FCGRT: variants seen among roughly 807,000 people sequenced by gnomAD.
The protein encoded by FCGRT is Fc gamma receptor and transporter.
A neutral mutation model predicts 35.7 loss-of-function variants in FCGRT; 13 were observed. The ratio of observed to expected loss-of-function variants is 0.36; its 90% CI spans 0.24 to 0.58. The LOEUF (loss-of-function observed/expected upper bound fraction) is 0.58, where lower values mean the gene tolerates loss of function less well. Among genes scored for constraint, FCGRT ranks in the 20% least tolerant of loss-of-function variants. The pLI is 0.77. For synonymous variants in FCGRT, 233 were observed against 216.5 expected, an observed-to-expected ratio of 1.08 and a Z score of -0.67; for missense variants, 455 against 474.9, an observed-to-expected ratio of 0.96 and a Z score of 0.39.
chr19:49,522,847 G>A (rs1184788756), intron 4 of FCGRT, among the ~76,000 whole-genome samples: 115 of 138,572 alleles, frequency 8.3e-4, no homozygotes, highest in African/African-American at 2.7e-3. Flanking sequence ...GCGCAATCTC[G>A]GCTCACTGCA....
At chr19:49,517,430 G>T (rs1346976814) in intron 4 of FCGRT, among the ~76,000 whole-genome samples, 1 of 151,816 alleles carries the variant, frequency 6.6e-6, no homozygotes, top group Non-Finnish European at 1.5e-5. Flanking sequence ...AGCAGAGGTT[G>T]CAGTGAGCCG....
rs576878676 is a variant in FCGRT at position 49,525,783 on chromosome 19, CAG to C, written c.988+217_988+218del. On this transcript the variant is annotated intron_variant, in intron 6 of 6. Transcript: ENST00000221466. ...CGGGGGAACAGAGACCCAGAGGGGACAGAGAGAGGTGCGGACAGAGGGAGGGG... is the reference window on the plus strand; with the variant it reads ...CGGGGGAACAGAGACCCAGAGGGGACAGAGAGGTGCGGACAGAGGGAGGGG... Among the ~76,000 whole-genome samples the C allele has an allele frequency of 5.5e-3, 812 of 146,746 alleles. 4 individuals carry two copies. Among genetic ancestry groups the C allele is most frequent in the Non-Finnish European group, 9.7e-3 (649 of 67,072 alleles).
intron 4 of FCGRT, chr19:49,516,176 AAGG>A: frequency 2.2e-6 from 1 of 454,252 alleles, no homozygotes; most frequent in South Asian, 1.6e-5. Flanking sequence ...AAGTGCCACA[AAGG>A]AGAAGTTGAG....
At chr19:49,522,770 CTTTTTTTTT>C (rs746958247) in intron 4 of FCGRT, among the ~76,000 whole-genome samples, 1 of 66,664 alleles carries the variant, frequency 1.5e-5, no homozygotes, top group Non-Finnish European at 2.7e-5. Flanking sequence ...CTTAAGCTCT[CTTTTTTTTT>C]TTTTTTTTTT....
At position 49,522,072 on chromosome 19, in the gene FCGRT, A is replaced by AT. The variant is rs755024984; in HGVS notation, c.602-2418dup. 4.5e-3 allele frequency among the ~76,000 whole-genome samples: 642 copies of AT among 142,716 alleles called. 6 individuals carry two copies. The highest frequency in any genetic ancestry group is 0.011 in the African/African-American group (426 of 38,896). 93.6% of individuals were successfully genotyped at this position (142,716 alleles called of 152,430 possible). A position where few individuals can be genotyped will look rare whatever the true frequency, so the allele number is the denominator to read the frequency against. On this transcript the variant is annotated intron_variant, in intron 4 of 6. Coordinates refer to ENST00000221466, the MANE Select transcript of FCGRT (RefSeq NM_001136019.3). ...TTTATACATTTTATAAAGTTTATGA[A>AT]TTTTTTTTTTTTTTTTTAGACGGAG... is the stretch of plus-strand genomic sequence containing the variant.
chr19:49,524,157 T>A (rs545652486), intron 4 of FCGRT, among the ~76,000 whole-genome samples: 3 of 152,052 alleles, frequency 2.0e-5, no homozygotes, highest in Admixed American at 1.3e-4. Flanking sequence ...TAGCTGGGAC[T>A]ACAGGTGCCC....
chr19:49,515,644 C>T (rs998940074), intron 4 of FCGRT, among the ~76,000 whole-genome samples: 5 of 152,170 alleles, frequency 3.3e-5, no homozygotes, highest in Admixed American at 3.3e-4. Flanking sequence ...CCAGGCCAGA[C>T]TCAAACTCCT....
In FCGRT at chr19:49,514,506, G is replaced by T; in HGVS notation, c.601+20G>T. The T allele has an allele frequency of 2.0e-6, 3 of 1,529,822 alleles. No individual in the cohort carries two copies. Among genetic ancestry groups the T allele is most frequent in the Non-Finnish European group, 2.6e-6 (3 of 1,136,968 alleles). 94.8% of individuals were successfully genotyped at this position (1,529,822 alleles called of 1,614,324 possible). On this transcript the variant is annotated intron_variant, in intron 4 of 6. Coordinates refer to ENST00000221466, the MANE Select transcript of FCGRT (RefSeq NM_001136019.3). ...GGAAGGGTGAGCCGGATCTGCAGCC[G>T]CAGGCTGTTCTGTCCTCTCTCCCGT... is the stretch of plus-strand genomic sequence containing the variant.
At chr19:49,517,573 C>G (rs1005483821) in intron 4 of FCGRT, among the ~76,000 whole-genome samples, 1 of 151,978 alleles carries the variant, frequency 6.6e-6, no homozygotes, top group Non-Finnish European at 1.5e-5. Context: ...AGCGAGCATC[C>G]CATCACTGAG....
intron 2 of FCGRT, 136 bp downstream of exon 2, chr19:49,513,609 T>G (rs2079986877): frequency 4.1e-6 from 2 of 489,750 alleles, no homozygotes; most frequent in Non-Finnish European, 6.6e-6. Flanking sequence ...ATTAACTTTC[T>G]CAACGTCTCC....
At chr19:49,525,410 T>C in intron 5 of FCGRT, 47 bp from the exon 6 acceptor site, 1 of 1,385,938 alleles carries the variant, frequency 7.2e-7, no homozygotes, top group Non-Finnish European at 1.0e-6. Flanking sequence ...CCTGACTGGG[T>C]GGGGTGGAGG....
At position 49,525,474 on chromosome 19, in the gene FCGRT, T is replaced by A. The variant is rs111846329; in HGVS notation, c.889T>A (p.Ser297Thr). 7,477 of 1,613,688 alleles carry A rather than the reference T, an allele frequency of 4.6e-3. 335 individuals carry two copies. The Admixed American group carries it at 0.074, about 16-fold the overall frequency. Residue 297 changes from serine (S) to threonine (T), a missense_variant, in exon 6 of 7, where the codon TCC (serine) becomes ACC (threonine). This residue lies in a region of FCGRT where 312 missense variants were observed against 296.1 expected (regional missense o/e 1.05). Coordinates refer to ENST00000221466, the MANE Select transcript of FCGRT (RefSeq NM_001136019.3). ...GGCTGCAGAATCTCCAGCCAAGTCC[T>A]CCGTGCTCGTGGTGGGAATCGTCAT... The part of the protein sequence containing the change: ...RVELESPAKS[S>T]VLVVGIVIGV...
chr19:49,514,107 A>G lies in FCGRT; in HGVS notation c.299A>G (p.Glu100Gly), dbSNP rs1053115692. 3 of 1,612,256 alleles carry G rather than the reference A, an allele frequency of 1.9e-6. No individual in the cohort carries two copies. The highest frequency in any genetic ancestry group is 1.7e-5 in the Admixed American group (1 of 59,952). ...DLRIKEKLFL[E>G]AFKALGGKGP... is the part of the protein sequence containing the mutation. ...AGGATCAAGGAGAAGCTCTTTCTGG[A>G]AGCTTTCAAAGCTTTGGGGGGAAAA... The change falls in exon 3 of 7, where the codon GAA becomes GGA. Residue 100 changes from glutamate to glycine, a missense_variant. Transcript: ENST00000221466.
chr19:49,521,970 T>G (rs759596406), intron 4 of FCGRT, among the ~76,000 whole-genome samples: 2 of 152,036 alleles, frequency 1.3e-5, no homozygotes, highest in African/African-American at 2.4e-5. Flanking sequence ...GCACCCAACC[T>G]TTTTTCATTC....
At chr19:49,521,251 G>A (rs909601449) in intron 4 of FCGRT, 4 of 152,138 alleles carry the variant, frequency 2.6e-5, no homozygotes, top group African/African-American at 9.7e-5. Flanking sequence ...GTAGAGATGG[G>A]GTATTTGTTG....
At chr19:49,516,472 C>T (rs955585655) in intron 4 of FCGRT, among the ~76,000 whole-genome samples, 3 of 150,362 alleles carry the variant, frequency 2.0e-5, no homozygotes, top group Admixed American at 6.7e-5. Flanking sequence ...GGGATGGTCT[C>T]GATCTTTTGA....
rs1401612604 is a variant in FCGRT, at chr19:49,524,531, C to G, written c.626C>G (p.Ala209Gly). ...GAGCCCCCCTCCATGCGCCTGAAGG[C>G]CCGACCCAGCAGCCCTGGCTTTTCC... The part of the protein sequence containing the change: ...WKEPPSMRLK[A>G]RPSSPGFSVL... The change falls in exon 5 of 7, where the codon GCC (alanine) becomes GGC (glycine). Residue 209 changes from alanine to glycine, a missense_variant. Physicochemically the swap from Ala to Gly is moderately conservative, Grantham distance 60 (BLOSUM62 0). Transcript: ENST00000221466. 1 of 1,610,330 alleles carries G rather than the reference C, an allele frequency of 6.2e-7. No individual in the cohort carries two copies. Among genetic ancestry groups the G allele is most frequent in the Non-Finnish European group, 8.5e-7 (1 of 1,177,376 alleles).
intron 4 of FCGRT, among the ~76,000 whole-genome samples, chr19:49,519,757 T>G (rs1207855600): frequency 6.6e-6 from 1 of 152,042 alleles, no homozygotes; most frequent in Non-Finnish European, 1.5e-5. Context: ...GATTCGGGTG[T>G]TGTTATGAAG....
chr19:49,520,876 G>C (rs2080036852), intron 4 of FCGRT: 1 of 152,186 alleles, frequency 6.6e-6, no homozygotes, highest in South Asian at 2.1e-4. Flanking sequence ...CTGCCGACTT[G>C]CCAGAGAGGC....
Sources: allele counts gnomAD v4.1 joint callset (sites outside exome capture counted in the v4.1 genomes callset), GRCh38; gene constraint gnomAD v4.1.1; regional missense constraint gnomAD v4.1.1; transcripts MANE v1.5; gene names NCBI Gene and HGNC (gene_info 2026-07-23, HGNC 2026-07-21).